Variants in CHERP observed in about 807,000 individuals in gnomAD.
The protein encoded by CHERP is ERPROT 213-21.
Under a neutral mutation model 113.8 loss-of-function variants are expected in CHERP, and 8 were observed. That is an observed-to-expected ratio of 0.07 (90% CI 0.04 to 0.13). CHERP has a LOEUF of 0.13. Among genes scored for constraint, CHERP ranks in the 10% least tolerant of loss-of-function variants. CHERP has a pLI of 1.00. For synonymous variants in CHERP, 559 were observed against 524.5 expected, an observed-to-expected ratio of 1.07 and a Z score of -0.90; for missense variants, 884 against 1,298.2, an observed-to-expected ratio of 0.68 and a Z score of 4.90.
Position 16,520,155 on chromosome 19 carries a change from G to C in CHERP, c.2456C>G (p.Thr819Ser), listed in dbSNP as rs932533234. ...ACTTAAGACAGGATCTTACGGCGGG[G>C]TGGGGCTCCTGGACCGTGACCGGCG... ...RRRRSRSRSP[T>S]PPSSAGLGSN... Residue 819 changes from threonine to serine, a missense_variant, in exon 15 of 17, where the codon ACC becomes AGC. Coordinates refer to ENST00000546361, the MANE Select transcript of CHERP (RefSeq NM_006387.6). This position sits in a 1 kb window ranked among gnomAD's most constrained non-coding sequence, Gnocchi z 4.0. 1.9e-6 allele frequency: 3 copies of C among 1,612,280 alleles called. No individual in the cohort carries two copies. Among genetic ancestry groups the C allele is most frequent in the Admixed American group, 1.7e-5 (1 of 59,998 alleles).
At chr19:16,524,867 T>C (rs1049642701) in intron 10 of CHERP, among the ~76,000 whole-genome samples, 7 of 151,686 alleles carry the variant, frequency 4.6e-5, no homozygotes, top group East Asian at 1.9e-4. Context: ...GCTAGGACCA[T>C]AGGCGCCCGA....
chr19:16,534,452 T>C (rs1032972133), intron 3 of CHERP, among the ~76,000 whole-genome samples: 4 of 152,144 alleles, frequency 2.6e-5, no homozygotes, highest in Non-Finnish European at 5.9e-5. Context: ...CCTCTCATTT[T>C]TCTGGCAATG....
At position 16,520,740 on chromosome 19, in the gene CHERP, G is replaced by A. The variant is rs1266373131; in HGVS notation, c.2201+86C>T. 7 of 1,344,684 alleles carry A rather than the reference G, an allele frequency of 5.2e-6. No individual in the cohort carries two copies. The highest frequency in any genetic ancestry group is 1.4e-5 in the African/African-American group (1 of 69,592). The allele number at this position is 1,344,684 out of a possible 1,614,324, so 83.3% of individuals were successfully genotyped here. A position where few individuals can be genotyped will look rare whatever the true frequency, so the allele number is the denominator to read the frequency against. ...AGGCACAGGCTGTGTGAGGGTGGAC[G>A]TGATGAGTGTATCTGGGGTCTGCTC... On this transcript the variant is annotated intron_variant, in intron 13 of 16. Coordinates refer to ENST00000546361, the MANE Select transcript of CHERP (RefSeq NM_006387.6). The surrounding 1 kb of genome is among the most constrained non-coding windows in gnomAD (Gnocchi z 4.0).
rs938705782 is a variant in CHERP at position 16,518,878 on chromosome 19, G to A, written c.*281C>T. ...TGGCTGAAGAATTTACTCGGGCGGA[G>A]GGTCTTGTGTTTTTTGCTTCGCTAT... On this transcript the variant is annotated 3_prime_UTR_variant, in exon 17 of 17. Transcript: ENST00000546361. 1.1e-5 allele frequency: 5 copies of A among 459,658 alleles called. No individual in the cohort carries two copies. Among genetic ancestry groups the A allele is most frequent in the Non-Finnish European group, 1.9e-5 (5 of 258,928 alleles). 28.5% of individuals were successfully genotyped at this position (459,658 alleles called of 1,614,324 possible).
At chr19:16,522,266 C>G (rs530293781) in intron 11 of CHERP, among the ~76,000 whole-genome samples, 6 of 152,016 alleles carry the variant, frequency 3.9e-5, no homozygotes, top group Non-Finnish European at 5.9e-5. Context: ...CCCAACCCCC[C>G]CTTTTTTTTT....
chr19:16,520,692 C>T lies in CHERP; in HGVS notation c.2201+134G>A. ...GAGCCTGCTGCTGTGTGAATTCAGG[C>T]CTTGTGGAAAACACCGCCCCATAGG... On this transcript the variant is annotated intron_variant, in intron 13 of 16. Coordinates refer to ENST00000546361, the MANE Select transcript of CHERP (RefSeq NM_006387.6). This position sits in a 1 kb window ranked among gnomAD's most constrained non-coding sequence, Gnocchi z 4.0. 8.7e-7 allele frequency: 1 copy of T among 1,155,998 alleles called. No homozygotes were observed. The highest frequency in any genetic ancestry group is 1.3e-5 in the South Asian group (1 of 77,670). The allele number at this position is 1,155,998 out of a possible 1,614,324, so 71.6% of individuals were successfully genotyped here.
chr19:16,538,728 A>G (rs1171037597), intron 2 of CHERP, among the ~76,000 whole-genome samples: 1 of 151,998 alleles, frequency 6.6e-6, no homozygotes, highest in Non-Finnish European at 1.5e-5. Flanking sequence ...TTCCTGGGCT[A>G]TAAGCATAAG....
intron 8 of CHERP, 74 bp from the exon 9 acceptor site, chr19:16,528,329 A>G (rs2085670798): frequency 1.4e-6 from 2 of 1,426,092 alleles, no homozygotes; most frequent in African/African-American, 1.4e-5. Context: ...ACTACCCCAG[A>G]GCAAACCAGG....
Position 16,519,067 on chromosome 19 carries a change from T to C in CHERP, c.*92A>G. On this transcript the variant is annotated 3_prime_UTR_variant, in exon 17 of 17. Transcript: ENST00000546361. This position sits in a 1 kb window ranked among gnomAD's most constrained non-coding sequence, Gnocchi z 6.0. ...CCACAAGTGGAGACGGTGTAAGAAC[T>C]GAGCTGTCACTGCAATCTTCCTCTG... 3 of 1,165,892 alleles carry C rather than the reference T, an allele frequency of 2.6e-6. No homozygotes were observed. The highest frequency in any genetic ancestry group is 2.5e-6 in the Non-Finnish European group (2 of 815,300). The allele number at this position is 1,165,892 out of a possible 1,614,324, so 72.2% of individuals were successfully genotyped here. A position where few individuals can be genotyped will look rare whatever the true frequency, so the allele number is the denominator to read the frequency against.
chr19:16,535,868 A>G lies in CHERP; in HGVS notation c.200-232T>C, dbSNP rs2056243632. Among the ~76,000 whole-genome samples the G allele has an allele frequency of 6.6e-6, 1 of 152,014 alleles. No individual in the cohort carries two copies. The highest frequency in any genetic ancestry group is 2.4e-5 in the African/African-American group (1 of 41,396). On this transcript the variant is annotated intron_variant, in intron 2 of 16. Transcript: ENST00000546361. This position sits in a 1 kb window ranked among gnomAD's most constrained non-coding sequence, Gnocchi z 4.3. ...CATCTTCGGGCCGTCCCCTCCTCGG[A>G]GAACCTAGGAAGTCCCCTGGCCGCT...
rs775899494 is a variant in CHERP at position 16,519,742 on chromosome 19, TA to T, written c.2463-28del. 1.7e-5 allele frequency: 26 copies of T among 1,573,100 alleles called. 2 individuals carry two copies. Among genetic ancestry groups the T allele is most frequent in the Non-Finnish European group, 2.0e-5 (23 of 1,142,952 alleles). On this transcript the variant is annotated intron_variant, in intron 15 of 16. Transcript: ENST00000546361. The surrounding 1 kb of genome is among the most constrained non-coding windows in gnomAD (Gnocchi z 6.0). Reference sequence around the variant, plus strand: ...TAAAATCGAGACAGGTTATTCTTTTTAAGAAGTAACTGAGACATTTATTGGA... The same window carrying T: ...TAAAATCGAGACAGGTTATTCTTTTTAGAAGTAACTGAGACATTTATTGGA...
At position 16,520,559 on chromosome 19, in the gene CHERP, G is replaced by A; in HGVS notation, c.2202-52C>T. On this transcript the variant is annotated intron_variant, in intron 13 of 16. Transcript: ENST00000546361. The surrounding 1 kb of genome is among the most constrained non-coding windows in gnomAD (Gnocchi z 4.0). ...TGCCCCAGTGGATGGGCTGCACCCA[G>A]CCCACCCTGGCCCTCAGGTTCCTAG... is the stretch of plus-strand genomic sequence containing the variant. 6.4e-7 allele frequency: 1 copy of A among 1,568,608 alleles called. No homozygotes were observed. The highest frequency in any genetic ancestry group is 8.6e-7 in the Non-Finnish European group (1 of 1,156,500).
At chr19:16,521,413 C>T (rs1240989169) in intron 12 of CHERP, 108 bp downstream of exon 12, 24 of 1,108,280 alleles carry the variant, frequency 2.2e-5, no homozygotes, top group African/African-American at 3.1e-5. Context: ...AGGGCAGTTT[C>T]TCCTGAGGGA....
Position 16,532,907 on chromosome 19 carries a change from A to G in CHERP, c.522+104T>C, listed in dbSNP as rs1372119874. On this transcript the variant is annotated intron_variant, in intron 4 of 16. Transcript: ENST00000546361. The surrounding 1 kb of genome is among the most constrained non-coding windows in gnomAD (Gnocchi z 4.4). ...CCTCAGGAGCTCCAGGCGGGAGGGAAGGGCACCCATTGTAACAGCCCTTAG... is the reference window on the plus strand; with the variant it reads ...CCTCAGGAGCTCCAGGCGGGAGGGAGGGGCACCCATTGTAACAGCCCTTAG... 2.0e-6 allele frequency: 3 copies of G among 1,503,838 alleles called. No homozygotes were observed. The highest frequency in any genetic ancestry group is 1.8e-6 in the Non-Finnish European group (2 of 1,115,102). The allele number at this position is 1,503,838 out of a possible 1,614,324, so 93.2% of individuals were successfully genotyped here. A position where few individuals can be genotyped will look rare whatever the true frequency, so the allele number is the denominator to read the frequency against.
At position 16,530,535 on chromosome 19, in the gene CHERP, G is replaced by A; in HGVS notation, c.876+50C>T. 6.3e-7 allele frequency: 1 copy of A among 1,576,216 alleles called. No homozygotes were observed. The highest frequency in any genetic ancestry group is 8.7e-7 in the Non-Finnish European group (1 of 1,146,434). On this transcript the variant is annotated intron_variant, in intron 7 of 16. Transcript: ENST00000546361. This position sits in a 1 kb window ranked among gnomAD's most constrained non-coding sequence, Gnocchi z 4.1. Reference sequence around the variant, plus strand: ...TCCCCACACTCCCAAACCCTCCTGGGGAACCCGCCCCAGCTCTAGGGTGAG... The same window carrying A: ...TCCCCACACTCCCAAACCCTCCTGGAGAACCCGCCCCAGCTCTAGGGTGAG...
At position 16,530,181 on chromosome 19, in the gene CHERP, C is replaced by T. The variant is rs1032177818; in HGVS notation, c.877-281G>A. On this transcript the variant is annotated intron_variant, in intron 7 of 16. Transcript: ENST00000546361. The surrounding 1 kb of genome is among the most constrained non-coding windows in gnomAD (Gnocchi z 4.1). ...TCCTGGCCGCTTCGTGGCTGCTCAG[C>T]GAACACTGCCCACCAACATTCTGGG... is the stretch of plus-strand genomic sequence containing the variant. Among the ~76,000 whole-genome samples, 10 of 152,198 alleles carry T rather than the reference C, an allele frequency of 6.6e-5. No individual in the cohort carries two copies. The highest frequency in any genetic ancestry group is 3.2e-3 in the Middle Eastern group (1 of 316).
At chr19:16,526,051 G>A (rs1408991059) in intron 9 of CHERP, 2 of 239,352 alleles carry the variant, frequency 8.4e-6, no homozygotes, top group South Asian at 1.3e-4. Flanking sequence ...AGACGGTATC[G>A]CTTCTCAGGG....
intron 11 of CHERP, among the ~76,000 whole-genome samples, chr19:16,522,653 C>T (rs1342020730): frequency 6.6e-6 from 1 of 152,156 alleles, no homozygotes; most frequent in South Asian, 2.1e-4. Context: ...TTCTCCAGGG[C>T]CACCCCCCTC....
intron 10 of CHERP, among the ~76,000 whole-genome samples, chr19:16,524,331 G>A (rs1328157838): frequency 1.3e-5 from 2 of 152,122 alleles, no homozygotes; most frequent in Non-Finnish European, 2.9e-5. Context: ...GAGGCGGGCG[G>A]ATCACCTGAG....
Sources: gnomAD v4.1 joint callset for allele counts (sites outside exome capture counted in the v4.1 genomes callset) on GRCh38, gnomAD v4.1.1 for gene constraint, Gnocchi (gnomAD v3.1) non-coding constraint, MANE v1.5 for transcripts, NCBI Gene and HGNC (gene_info 2026-07-23, HGNC 2026-07-21) for gene names.